Variants in TEKTL1 observed in about 807,000 individuals in gnomAD.
TEKTL1 encodes tektin like 1, also known as tektin-like protein 1.
At chr19:15,017,367 T>C in the TEKTL1 span, among the ~76,000 whole-genome samples, 1 of 150,030 alleles carries the variant, frequency 6.7e-6, no homozygotes. Context: ...AGAGTGTTTA[T>C]AAGGGTGTAT....
chr19:15,017,516 A>AG, the TEKTL1 span, among the ~76,000 whole-genome samples: 3 of 152,016 alleles, frequency 2.0e-5, no homozygotes, highest in African/African-American at 7.2e-5. Context: ...GCCTGGTGGG[A>AG]GGGGGGAACT....
the TEKTL1 span, among the ~76,000 whole-genome samples, chr19:15,015,293 CCAAT>C: frequency 1.3e-5 from 2 of 152,188 alleles, no homozygotes; most frequent in African/African-American, 4.8e-5. Context: ...ATACTTACCA[CCAAT>C]CAGATTTGTT....
chr19:15,015,139 A>G, the TEKTL1 span, among the ~76,000 whole-genome samples: 1 of 152,290 alleles, frequency 6.6e-6, no homozygotes, highest in Middle Eastern at 3.4e-3. Context: ...GTGAGCCATG[A>G]TCATACCTCT....
At chr19:15,018,283 G>A in the TEKTL1 span, among the ~76,000 whole-genome samples, 2 of 152,148 alleles carry the variant, frequency 1.3e-5, no homozygotes, top group African/African-American at 4.8e-5. Context: ...GAACCCGGGA[G>A]GCAGAGGTTT....
the TEKTL1 span, among the ~76,000 whole-genome samples, chr19:15,017,262 T>C: frequency 2.0e-5 from 3 of 151,834 alleles, no homozygotes; most frequent in Non-Finnish European, 2.9e-5. Flanking sequence ...AAAACTAGTC[T>C]CCAAGTCAGC....
At chr19:15,021,970 G>A in the TEKTL1 span, 1 of 1,418,714 alleles carries the variant, frequency 7.0e-7, no homozygotes, top group Non-Finnish European at 9.9e-7. Flanking sequence ...CAATGGTAAG[G>A]CTCCTTCCTC....
the TEKTL1 span, chr19:15,021,600 G>T: frequency 1.2e-6 from 2 of 1,613,398 alleles, no homozygotes; most frequent in Non-Finnish European, 8.5e-7. Context: ...ATCCCCCTGC[G>T]CTTCCCTGCC....
the TEKTL1 span, among the ~76,000 whole-genome samples, chr19:15,018,594 T>C: frequency 6.7e-6 from 1 of 149,922 alleles, no homozygotes; most frequent in African/African-American, 2.5e-5. Flanking sequence ...GTGTCTGGTG[T>C]CCCAGCTACT....
At chr19:15,013,606 C>T in the TEKTL1 span, 1 of 1,269,128 alleles carries the variant, frequency 7.9e-7, no homozygotes. Context: ...CTCTACCACC[C>T]TGGAAAGAGG....
the TEKTL1 span, chr19:15,022,040 C>T: frequency 1.3e-6 from 1 of 774,344 alleles, no homozygotes; most frequent in Admixed American, 2.6e-5. Flanking sequence ...CCTTCAACTC[C>T]TGCCACGAAG....
the TEKTL1 span, among the ~76,000 whole-genome samples, chr19:15,019,107 C>T: frequency 6.6e-6 from 1 of 152,034 alleles, no homozygotes; most frequent in Non-Finnish European, 1.5e-5. Context: ...AATCATCACA[C>T]CTTGCTAATT....
At chr19:15,017,997 C>G in the TEKTL1 span, among the ~76,000 whole-genome samples, 1 of 152,106 alleles carries the variant, frequency 6.6e-6, no homozygotes, top group Non-Finnish European at 1.5e-5. Flanking sequence ...GAGTTCAACA[C>G]TAGCCTGAGC....
At chr19:15,012,562 A>G in the TEKTL1 span, among the ~76,000 whole-genome samples, 20 of 152,200 alleles carry the variant, frequency 1.3e-4, no homozygotes, top group African/African-American at 4.3e-4. Flanking sequence ...TCAAAAACAA[A>G]CAAACAAAAA....
At chr19:15,011,311 C>A in the TEKTL1 span, 1 of 1,524,230 alleles carries the variant, frequency 6.6e-7, no homozygotes, top group African/African-American at 1.4e-5. Context: ...AGGTCACCGA[C>A]CACAGGCTCA....
At chr19:15,013,925 G>A in the TEKTL1 span, 1 of 609,260 alleles carries the variant, frequency 1.6e-6, no homozygotes, top group Non-Finnish European at 2.9e-6. Context: ...TTTGTGAAAT[G>A]GAAAAAGGGA....
chr19:15,020,374 C>T, the TEKTL1 span: 2 of 1,182,552 alleles, frequency 1.7e-6, no homozygotes, highest in Non-Finnish European at 2.4e-6. Flanking sequence ...GCCTATAAGG[C>T]TCAAGCCTGC....
chr19:15,011,201 G>C, the TEKTL1 span: 1 of 1,475,554 alleles, frequency 6.8e-7, no homozygotes, highest in Non-Finnish European at 8.9e-7. Flanking sequence ...CACCGAGGTG[G>C]TGCACGCGCA....
At chr19:15,017,329 A>G in the TEKTL1 span, among the ~76,000 whole-genome samples, 1 of 152,174 alleles carries the variant, frequency 6.6e-6, no homozygotes, top group South Asian at 2.1e-4. Flanking sequence ...AATGTATGGC[A>G]TGATGGAAAT....
the TEKTL1 span, among the ~76,000 whole-genome samples, chr19:15,013,313 G>A: frequency 6.6e-6 from 1 of 152,102 alleles, no homozygotes; most frequent in Admixed American, 6.6e-5. Flanking sequence ...CTGTAGCCAG[G>A]GAGAGGAGAT....
Sources: gnomAD v4.1 joint callset for allele counts (sites outside exome capture counted in the v4.1 genomes callset) on GRCh38, gnomAD v4.1.1 for gene constraint, MANE v1.5 for transcripts, NCBI Gene and HGNC (gene_info 2026-07-23, HGNC 2026-07-21) for gene names.